DDOST: variants seen among roughly 807,000 people sequenced by gnomAD.
The protein encoded by DDOST is dolichyl-diphosphooligosaccharide--protein glycosyltransferase 48 kDa subunit.
A neutral mutation model predicts 47.6 loss-of-function variants in DDOST; 25 were observed. The ratio of observed to expected loss-of-function variants is 0.53; its 90% CI spans 0.38 to 0.73. The LOEUF (loss-of-function observed/expected upper bound fraction) is 0.73. Among genes scored for constraint, DDOST ranks in the 30% least tolerant of loss-of-function variants. The pLI, the probability that DDOST is intolerant of heterozygous loss-of-function variation, is 0.00. For missense variants in DDOST, 526 were observed against 573.9 expected (o/e 0.92, Z 0.85); for synonymous variants, 275 against 236.0 (o/e 1.17, Z -1.51).
chr1:20,655,886 G>A (rs1450145823), intron 3 of DDOST, 107 bp from the exon 4 acceptor site: 1 of 966,090 alleles, frequency 1.0e-6, no homozygotes, highest in Admixed American at 1.9e-5. Context: ...GTGCCCTGCA[G>A]CTTCATCCAG....
At chr1:20,658,851 C>CTT (rs1312801566) in intron 2 of DDOST, among the ~76,000 whole-genome samples, 1 of 143,928 alleles carries the variant, frequency 6.9e-6, no homozygotes. Flanking sequence ...TTTTTTTTCT[C>CTT]TTTTCTTTTT....
Position 20,654,713 on chromosome 1 carries a change from G to GCAGGACGAGAGCAGCC in DDOST, c.552-22_552-7dup, listed in dbSNP as rs2053348726. 6.4e-7 allele frequency: 1 copy of GCAGGACGAGAGCAGCC among 1,551,438 alleles called. No homozygotes were observed. The highest frequency in any genetic ancestry group is 8.7e-7 in the Non-Finnish European group (1 of 1,146,364). ...TATCAGGATCGGCCACCATCCTGCA[G>GCAGGACGAGAGCAGCC]CAGGACGAGAGCAGCCCAGCACTGG... On this transcript the variant is annotated splice_region_variant and splice_polypyrimidine_tract_variant and intron_variant, in intron 5 of 10. Transcript: ENST00000602624.
rs2053428333 is a variant in DDOST at position 20,661,009 on chromosome 1, G to A, written c.155-18C>T. The A allele has an allele frequency of 2.5e-6, 4 of 1,584,704 alleles. No homozygotes were observed. The highest frequency in any genetic ancestry group is 3.5e-6 in the Non-Finnish European group (4 of 1,153,800). On this transcript the variant is annotated intron_variant, in intron 1 of 10. Transcript: ENST00000602624. ...GCCCCGGTCTGGACAAGAAAAAACAGGTAGTTGAGGAAGACGGGACGCGAA... is the reference window on the plus strand; with the variant it reads ...GCCCCGGTCTGGACAAGAAAAAACAAGTAGTTGAGGAAGACGGGACGCGAA...
chr1:20,654,520 C>T, intron 6 of DDOST, 94 bp downstream of exon 6: 2 of 1,382,672 alleles, frequency 1.4e-6, no homozygotes, highest in Non-Finnish European at 2.0e-6. Flanking sequence ...CTGCCCATGC[C>T]CCACCCCACC....
chr1:20,659,234 A>G (rs1015405666), intron 2 of DDOST, among the ~76,000 whole-genome samples: 4 of 151,770 alleles, frequency 2.6e-5, no homozygotes, highest in African/African-American at 9.7e-5. Context: ...GATACGTAAC[A>G]TGGTAAAAAC....
intron 8 of DDOST, 132 bp from the exon 9 acceptor site, chr1:20,653,103 T>C: frequency 9.1e-7 from 1 of 1,094,370 alleles, no homozygotes. Flanking sequence ...GACCTGCAGA[T>C]GCCCCTGCCA....
chr1:20,654,626 C>T lies in DDOST; in HGVS notation c.633G>A (p.Lys211=), dbSNP rs1451429260. ...SSTSYSFFPD[K]PITQYPHAVG... ...GTGAAGCCCTTACCTGGGTGATAGG[C>T]TTGTCCGGGAAGAAGGAGTAAGAGG... The change falls in exon 6 of 11, where the codon AAG becomes AAA. Residue 211 remains lysine (K), a synonymous_variant. Transcript: ENST00000602624. 2 of 1,563,002 alleles carry T rather than the reference C, an allele frequency of 1.3e-6. No homozygotes were observed. The highest frequency in any genetic ancestry group is 4.7e-5 in the East Asian group (2 of 42,268).
At chr1:20,656,030 G>T in intron 3 of DDOST, 71 bp downstream of exon 3, 1 of 1,346,882 alleles carries the variant, frequency 7.4e-7, no homozygotes, top group South Asian at 1.2e-5. Context: ...TAATTTGGCA[G>T]CTTCTGTTTG....
intron 8 of DDOST, among the ~76,000 whole-genome samples, chr1:20,653,327 C>T (rs1248025427): frequency 1.3e-5 from 2 of 152,202 alleles, no homozygotes; most frequent in Non-Finnish European, 2.9e-5. Flanking sequence ...CAAATTCAAC[C>T]TAATGACCTA....
chr1:20,661,052 G>A (rs2053429075), intron 1 of DDOST, 61 bp from the exon 2 acceptor site: 6 of 1,483,222 alleles, frequency 4.0e-6, no homozygotes, highest in South Asian at 1.1e-5. Flanking sequence ...CCCTGCTGCA[G>A]ACATCGCGGA....
rs184961540 is a variant in DDOST at position 20,660,641 on chromosome 1, G to A, written c.265+240C>T. The A allele has an allele frequency of 1.4e-4, 57 of 410,176 alleles. 1 individual carries two copies. The Admixed American group carries it at 1.9e-3, about 14-fold the overall frequency. The allele number at this position is 410,176 out of a possible 1,614,324, so 25.4% of individuals were successfully genotyped here. On this transcript the variant is annotated intron_variant, in intron 2 of 10. Transcript: ENST00000602624. ...AACTCCCTTCTCAGCAGAGCAGCAG[G>A]GCCCTGGGTTCCACGGTCTGCAGCA... is the stretch of plus-strand genomic sequence containing the variant.
In DDOST at chr1:20,654,213, T is replaced by A. The variant is rs1156732548; in HGVS notation, c.794+10A>T. The A allele has an allele frequency of 1.9e-6, 3 of 1,550,342 alleles. No individual in the cohort carries two copies. Among genetic ancestry groups the A allele is most frequent in the Non-Finnish European group, 2.6e-6 (3 of 1,146,908 alleles). On this transcript the variant is annotated intron_variant, in intron 7 of 10. Transcript: ENST00000602624. The stretch of plus-strand genomic sequence containing the variant: ...CCGGATCCCCGGCCCCTAAGCCTCC[T>A]GGCAGCTACCTCTGGGAGCCGGGCG...
Position 20,652,394 on chromosome 1 carries a change from C to T in DDOST, c.1305G>A (p.Lys435=), listed in dbSNP as rs370226725. 5 of 1,612,878 alleles carry T rather than the reference C, an allele frequency of 3.1e-6. No individual in the cohort carries two copies. Among genetic ancestry groups the T allele is most frequent in the African/African-American group, 2.7e-5 (2 of 74,920 alleles). The change falls in exon 11 of 11, where the codon AAG becomes AAA. Residue 435 remains lysine, a synonymous_variant. Coordinates refer to ENST00000602624, the MANE Select transcript of DDOST (RefSeq NM_005216.5). The stretch of plus-strand genomic sequence containing the variant: ...CTCTAGCCCCTCAGTCGGACTTCTC[C>T]TTCTCCTTCATGTGCAAGAAGACGA... ...FSIVFLHMKE[K]EKSD
chr1:20,652,374 G>A lies in DDOST; in HGVS notation c.*5C>T. 2 of 1,608,594 alleles carry A rather than the reference G, an allele frequency of 1.2e-6. No homozygotes were observed. Among genetic ancestry groups the A allele is most frequent in the African/African-American group, 2.7e-5 (2 of 74,878 alleles). On this transcript the variant is annotated 3_prime_UTR_variant, in exon 11 of 11. Coordinates refer to ENST00000602624, the MANE Select transcript of DDOST (RefSeq NM_005216.5). ...TCCACGCTGTGCGGAGAGGGCTCTA[G>A]CCCCTCAGTCGGACTTCTCCTTCTC...
chr1:20,655,394 T>TTAA (rs778459576), intron 5 of DDOST, 46 bp downstream of exon 5: 79 of 1,467,734 alleles, frequency 5.4e-5, no homozygotes, highest in Non-Finnish European at 7.1e-5. Flanking sequence ...AAGTGACCCC[T>TTAA]TCTTCCCCCA....
In DDOST at chr1:20,654,710, G is replaced by T; in HGVS notation, c.552-3C>A. 3 of 1,552,760 alleles carry T rather than the reference G, an allele frequency of 1.9e-6. No homozygotes were observed. Among genetic ancestry groups the T allele is most frequent in the Non-Finnish European group, 2.6e-6 (3 of 1,147,302 alleles). On this transcript the variant is annotated splice_region_variant and splice_polypyrimidine_tract_variant and intron_variant, in intron 5 of 10. Coordinates refer to ENST00000602624, the MANE Select transcript of DDOST (RefSeq NM_005216.5). ...GGTTATCAGGATCGGCCACCATCCT[G>T]CAGCAGGACGAGAGCAGCCCAGCAC...
Position 20,655,749 on chromosome 1 carries a change from C to T in DDOST, c.383G>A (p.Cys128Tyr). Residue 128 changes from cysteine (C) to tyrosine (Y), a missense_variant, in exon 4 of 11, where the codon TGC (cysteine) becomes TAC (tyrosine). Cys to Tyr is a radical substitution (Grantham distance 194, BLOSUM62 -2). Transcript: ENST00000602624. ...TTTCTCCTCGTCAAACTCAATCCCG[C>T]ACTCACTGCCCAGCTCTCGAAGAGG... ...GDPLRELGSE[C>Y]GIEFDEEKTA... The T allele has an allele frequency of 1.2e-6, 2 of 1,614,176 alleles. No homozygotes were observed. Among genetic ancestry groups the T allele is most frequent in the South Asian group, 1.1e-5 (1 of 91,090 alleles).
Position 20,652,375 on chromosome 1 carries a change from C to A in DDOST, c.*4G>T. On this transcript the variant is annotated 3_prime_UTR_variant, in exon 11 of 11. Transcript: ENST00000602624. ...CCACGCTGTGCGGAGAGGGCTCTAG[C>A]CCCTCAGTCGGACTTCTCCTTCTCC... 1 of 1,608,288 alleles carries A rather than the reference C, an allele frequency of 6.2e-7. No individual in the cohort carries two copies. The highest frequency in any genetic ancestry group is 8.5e-7 in the Non-Finnish European group (1 of 1,177,396).
intron 2 of DDOST, among the ~76,000 whole-genome samples, chr1:20,657,161 G>C (rs1192771988): frequency 6.6e-6 from 1 of 152,182 alleles, no homozygotes; most frequent in Non-Finnish European, 1.5e-5. Flanking sequence ...AGTCCCCGAG[G>C]GGGGTGGGCA....
Sources: gnomAD v4.1 joint callset for allele counts (sites outside exome capture counted in the v4.1 genomes callset) on GRCh38, gnomAD v4.1.1 for gene constraint, MANE v1.5 for transcripts, NCBI Gene and HGNC (gene_info 2026-07-23, HGNC 2026-07-21) for gene names.